Variants in IFT140 observed in about 807,000 individuals in gnomAD.
IFT140 encodes the protein intraflagellar transport protein 140 homolog.
In IFT140, 133 loss-of-function variants were observed where a neutral mutation model predicts 164.6. The observed-to-expected ratio is 0.81, with a 90% CI of 0.70 to 0.93. IFT140 has a LOEUF of 0.93. Among genes scored for constraint, IFT140 ranks in the 40% least tolerant of loss-of-function variants. IFT140 has a pLI of 0.00. For missense variants in IFT140, 2,045 were observed against 1,972.3 expected (o/e 1.04, Z -0.70); for synonymous variants, 860 against 817.3 (o/e 1.05, Z -0.89).
intron 7 of IFT140, 45 bp from the exon 8 acceptor site, chr16:1,588,069 C>T (rs370743838): frequency 4.6e-5 from 71 of 1,533,068 alleles, no homozygotes; most frequent in Middle Eastern, 3.4e-4. Context: ...CTTGCTGAGA[C>T]GGCCTGTCCC....
chr16:1,604,977 T>G (rs1253446967), intron 3 of IFT140, among the ~76,000 whole-genome samples: 1 of 152,076 alleles, frequency 6.6e-6, no homozygotes, highest in African/African-American at 2.4e-5. Flanking sequence ...TTGTACAGTC[T>G]GAGGTCTCCT....
chr16:1,595,150 C>T (rs991692262), intron 4 of IFT140, among the ~76,000 whole-genome samples: 4 of 151,976 alleles, frequency 2.6e-5, no homozygotes, highest in Admixed American at 6.6e-5. Flanking sequence ...CCGGGCGTGG[C>T]GGCGGGCGCC....
At chr16:1,513,783 C>T (rs1358101990) in intron 30 of IFT140, among the ~76,000 whole-genome samples, 2 of 150,604 alleles carry the variant, frequency 1.3e-5, no homozygotes, top group Admixed American at 1.3e-4. Flanking sequence ...ACACCATTCT[C>T]CTGCCTCAGC....
chr16:1,567,109 T>C (rs528209933), intron 15 of IFT140, among the ~76,000 whole-genome samples: 10 of 152,116 alleles, frequency 6.6e-5, no homozygotes, highest in African/African-American at 1.9e-4. Context: ...CTGCAAAGGT[T>C]AGAAACACCT....
At chr16:1,592,027 C>A in intron 6 of IFT140, 149 bp downstream of exon 6, 1 of 815,764 alleles carries the variant, frequency 1.2e-6, no homozygotes, top group Admixed American at 2.6e-5. Context: ...GTGGCTGCGG[C>A]ACTCCGCCTG....
chr16:1,517,744 C>CA (rs1261091041), intron 30 of IFT140, among the ~76,000 whole-genome samples: 1 of 152,344 alleles, frequency 6.6e-6, no homozygotes, highest in East Asian at 1.9e-4. Context: ...TACATGCAGA[C>CA]ATTTCTTCAC....
At chr16:1,522,165 T>C (rs954313821) in intron 26 of IFT140, among the ~76,000 whole-genome samples, 1 of 152,152 alleles carries the variant, frequency 6.6e-6, no homozygotes, top group Non-Finnish European at 1.5e-5. Context: ...GAGACCATCC[T>C]GGCCAACATG....
At chr16:1,557,370 T>A (rs1033243973) in intron 19 of IFT140, among the ~76,000 whole-genome samples, 2 of 152,304 alleles carry the variant, frequency 1.3e-5, no homozygotes, top group Admixed American at 1.3e-4. Context: ...GTGACAGGCA[T>A]TATCACTGCA....
chr16:1,525,842 G>T (rs545320603), intron 21 of IFT140, 45 bp downstream of exon 21: 135 of 1,477,376 alleles, frequency 9.1e-5, no homozygotes, highest in Non-Finnish European at 1.1e-4. Context: ...CACAAGCCAG[G>T]GCCATCCAGA....
intron 19 of IFT140, chr16:1,532,239 G>A (rs1445477612): frequency 1.3e-5 from 2 of 152,288 alleles, no homozygotes; most frequent in East Asian, 3.9e-4. Context: ...AACAGAAATA[G>A]AAACAGCAGC....
chr16:1,605,656 G>T (rs545953671), intron 3 of IFT140, among the ~76,000 whole-genome samples: 3 of 151,988 alleles, frequency 2.0e-5, no homozygotes, highest in Non-Finnish European at 2.9e-5. Flanking sequence ...CACCCACCCC[G>T]GCCTCCCAAA....
At chr16:1,542,070 C>G in intron 19 of IFT140, 1 of 1,605,904 alleles carries the variant, frequency 6.2e-7, no homozygotes, top group Non-Finnish European at 8.5e-7. Context: ...TGCATTCCAA[C>G]TGGCGAGTAA....
At chr16:1,569,047 C>T (rs1256390165) in intron 14 of IFT140, among the ~76,000 whole-genome samples, 1 of 150,676 alleles carries the variant, frequency 6.6e-6, no homozygotes, top group African/African-American at 2.4e-5. Flanking sequence ...CCCTGTTGCC[C>T]AGGCTGGAGT....
At chr16:1,573,524 C>T (rs927505806) in intron 13 of IFT140, among the ~76,000 whole-genome samples, 9 of 152,174 alleles carry the variant, frequency 5.9e-5, no homozygotes, top group Non-Finnish European at 1.3e-4. Flanking sequence ...CAAGGCACCA[C>T]GAACTCGAAC....
intron 1 of IFT140, among the ~76,000 whole-genome samples, chr16:1,611,077 G>A (rs1316264507): frequency 6.6e-6 from 1 of 152,244 alleles, no homozygotes; most frequent in African/African-American, 2.4e-5. Flanking sequence ...TAGTTTCGGA[G>A]CGGAGGGCGT....
intron 19 of IFT140, among the ~76,000 whole-genome samples, chr16:1,538,708 C>T (rs557716781): frequency 4.2e-4 from 64 of 152,312 alleles, no homozygotes; most frequent in Admixed American, 1.6e-3. Context: ...GGCACAGCAC[C>T]GTGCCACAGA....
intron 16 of IFT140, among the ~76,000 whole-genome samples, chr16:1,565,054 C>G (rs997589579): frequency 6.6e-6 from 1 of 152,168 alleles, no homozygotes; most frequent in Non-Finnish European, 1.5e-5. Context: ...CGGGAACGGA[C>G]AGAAGGCAGG....
chr16:1,575,782 C>T (rs2034244719), intron 13 of IFT140, among the ~76,000 whole-genome samples: 1 of 151,668 alleles, frequency 6.6e-6, no homozygotes, highest in Non-Finnish European at 1.5e-5. Flanking sequence ...TGACCCTCTC[C>T]TAGCAGGCCA....
At chr16:1,513,888 T>C (rs1378690006) in intron 30 of IFT140, among the ~76,000 whole-genome samples, 1 of 142,640 alleles carries the variant, frequency 7.0e-6, no homozygotes, top group Non-Finnish European at 1.5e-5. Context: ...TTAGCCAAGA[T>C]GGTCTCCATC....
Sources: gnomAD v4.1 joint callset for allele counts (sites outside exome capture counted in the v4.1 genomes callset) on GRCh38, gnomAD v4.1.1 for gene constraint, MANE v1.5 for transcripts, NCBI Gene and HGNC (gene_info 2026-07-23, HGNC 2026-07-21) for gene names.